MYCBP2: variants seen among roughly 807,000 people sequenced by gnomAD.
The protein encoded by MYCBP2 is MYC binding protein 2.
In MYCBP2, 120 loss-of-function variants were observed where a neutral mutation model predicts 525.3. The observed-to-expected ratio is 0.23, with a 90% CI of 0.20 to 0.27. The LOEUF (loss-of-function observed/expected upper bound fraction) is 0.27, where lower values mean the gene tolerates loss of function less well. Among genes scored for constraint, MYCBP2 ranks in the 10% least tolerant of loss-of-function variants. The probability of loss-of-function intolerance (pLI) is 1.00; values close to 1 mark genes in which losing one functional copy is unlikely to be tolerated. For synonymous variants in MYCBP2, 1,894 were observed against 1,955.8 expected, an observed-to-expected ratio of 0.97 and a Z score of 0.83; for missense variants, 4,149 against 5,657.1, an observed-to-expected ratio of 0.73 and a Z score of 8.55.
intron 4 of MYCBP2, among the ~76,000 whole-genome samples, chr13:77,275,008 C>T (rs940043322): frequency 6.6e-6 from 1 of 152,066 alleles, no homozygotes; most frequent in Non-Finnish European, 1.5e-5. Context: ...ATATTTCCAT[C>T]TACCCATCCT....
chr13:77,224,807 C>G (rs1594089318), intron 19 of MYCBP2, among the ~76,000 whole-genome samples: 1 of 152,016 alleles, frequency 6.6e-6, no homozygotes, highest in South Asian at 2.1e-4. Context: ...CACACTGGTT[C>G]AGGTCAACTG....
At chr13:77,202,578 A>G (rs966828480) in intron 26 of MYCBP2, among the ~76,000 whole-genome samples, 7 of 151,946 alleles carry the variant, frequency 4.6e-5, no homozygotes, top group African/African-American at 1.7e-4. Flanking sequence ...AAAGCCGGGC[A>G]GAGACACAAC....
rs997393103 is a variant in MYCBP2, at chr13:77,326,412, CGCGGCATGGGGCGCAAGGAAGG to C, written c.302+40_302+61del. The C allele has an allele frequency of 7.3e-5, 106 of 1,458,936 alleles. 1 individual carries two copies. The highest frequency in any genetic ancestry group is 5.3e-4 in the East Asian group (20 of 37,628). 90.4% of individuals were successfully genotyped at this position (1,458,936 alleles called of 1,614,324 possible). A position where few individuals can be genotyped will look rare whatever the true frequency, so the allele number is the denominator to read the frequency against. Reference sequence around the variant, plus strand: ...AAGCACACACACACGCGGGTGCACGCGCGGCATGGGGCGCAAGGAAGGGCGGCATGGGGCGCAAGGAAGGGCA... The same window carrying C: ...AAGCACACACACACGCGGGTGCACGCGCGGCATGGGGCGCAAGGAAGGGCA... On this transcript the variant is annotated intron_variant, in intron 1 of 82. Transcript: ENST00000544440. The surrounding 1 kb of genome is among the most constrained non-coding windows in gnomAD (Gnocchi z 4.2).
rs1226443968 is a variant in MYCBP2 at position 77,233,219 on chromosome 13, G to T, written c.2674C>A (p.Gln892Lys). The T allele has an allele frequency of 6.2e-7, 1 of 1,613,884 alleles. No homozygotes were observed. ...TGGGATCTGAGTCTGGCTAGAGCCT[G>T]TTCTCGATGGTTCATAAAAATAGGA... ...AGPIFMNHRE[Q>K]ALARLRSHPA... The change falls in exon 18 of 83, where the codon CAG becomes AAG. Residue 892 changes from glutamine to lysine, a missense_variant. Transcript: ENST00000544440.
At chr13:77,105,784 T>C (rs548202194) in intron 55 of MYCBP2, among the ~76,000 whole-genome samples, 1 of 152,104 alleles carries the variant, frequency 6.6e-6, no homozygotes, top group Non-Finnish European at 1.5e-5. Context: ...AAAAACAATT[T>C]TAAAGAATCA....
chr13:77,157,803 T>A (rs911308125), intron 45 of MYCBP2, 134 bp downstream of exon 45: 4 of 709,684 alleles, frequency 5.6e-6, no homozygotes, highest in Middle Eastern at 3.3e-4. Context: ...TATCATTTTA[T>A]ATTTCAGCAA....
At chr13:77,195,771 T>G (rs1177519661) in intron 26 of MYCBP2, among the ~76,000 whole-genome samples, 1 of 152,156 alleles carries the variant, frequency 6.6e-6, no homozygotes, top group African/African-American at 2.4e-5. Context: ...TTCCACAAAG[T>G]TGAGGATTTT....
At chr13:77,230,060 T>C (rs2066915042) in intron 18 of MYCBP2, among the ~76,000 whole-genome samples, 1 of 152,198 alleles carries the variant, frequency 6.6e-6, no homozygotes. Flanking sequence ...ATTTACTGTA[T>C]TTTATATGGA....
At chr13:77,231,819 A>G (rs1219673103) in intron 18 of MYCBP2, among the ~76,000 whole-genome samples, 1 of 152,238 alleles carries the variant, frequency 6.6e-6, no homozygotes, top group Non-Finnish European at 1.5e-5. Context: ...GACATAGTAG[A>G]AATCATAAAA....
intron 21 of MYCBP2, among the ~76,000 whole-genome samples, chr13:77,216,616 A>G (rs1413215451): frequency 6.6e-6 from 1 of 152,212 alleles, no homozygotes; most frequent in Non-Finnish European, 1.5e-5. Context: ...TGGGTGCACA[A>G]CCTGCATCTA....
At chr13:77,227,811 A>T (rs535920022) in intron 18 of MYCBP2, among the ~76,000 whole-genome samples, 1 of 152,298 alleles carries the variant, frequency 6.6e-6, no homozygotes, top group African/African-American at 2.4e-5. Context: ...GAGACATAGC[A>T]TCAAGGAAGG....
intron 46 of MYCBP2, among the ~76,000 whole-genome samples, chr13:77,152,779 G>A (rs374618095): frequency 6.8e-4 from 103 of 152,146 alleles, no homozygotes; most frequent in South Asian, 4.4e-3. Context: ...GATAAAATCC[G>A]CCGTGGCTGG....
At chr13:77,072,300 G>GAAAAAAAAAAAAAAAAAAAA (rs56238720) in intron 68 of MYCBP2, among the ~76,000 whole-genome samples, 1 of 121,192 alleles carries the variant, frequency 8.3e-6, no homozygotes, top group Non-Finnish European at 1.7e-5. Flanking sequence ...CAAAAAAAAA[G>GAAAAAAAAAAAAAAAAAAAA]AAAAAAAAAA....
intron 25 of MYCBP2, 39 bp from the exon 26 acceptor site, chr13:77,205,422 C>T: frequency 6.2e-7 from 1 of 1,611,750 alleles, no homozygotes; most frequent in Non-Finnish European, 8.5e-7. Flanking sequence ...TTAAAAGATC[C>T]ATATATATTT....
At chr13:77,101,574 G>C (rs763977114) in intron 55 of MYCBP2, among the ~76,000 whole-genome samples, 2 of 151,970 alleles carry the variant, frequency 1.3e-5, no homozygotes, top group Non-Finnish European at 2.9e-5. Flanking sequence ...ATAGGCATTT[G>C]TATATCTTAT....
rs183393422 is a variant in MYCBP2 at position 77,077,019 on chromosome 13, T to A, written c.11724+129A>T. The stretch of plus-strand genomic sequence containing the variant: ...CATGGAACTCAGGTGTTTAGGGCTA[T>A]GAAAAGAAAAAATGGGCAACATTTA... On this transcript the variant is annotated intron_variant, in intron 67 of 82. Coordinates refer to ENST00000544440, the MANE Select transcript of MYCBP2 (RefSeq NM_015057.5). 146 of 1,329,282 alleles carry A rather than the reference T, an allele frequency of 1.1e-4. No individual in the cohort carries two copies. The African/African-American group carries it at 2.1e-3, about 19-fold the overall frequency. The allele number at this position is 1,329,282 out of a possible 1,614,324, so 82.3% of individuals were successfully genotyped here.
chr13:77,161,766 T>A (rs2057955489), intron 44 of MYCBP2, 140 bp downstream of exon 44: 1 of 608,720 alleles, frequency 1.6e-6, no homozygotes, highest in Non-Finnish European at 2.8e-6. Context: ...AATGATAAGT[T>A]ATTTATCTCT....
At chr13:77,322,761 G>A (rs2081829219) in intron 1 of MYCBP2, among the ~76,000 whole-genome samples, 1 of 152,210 alleles carries the variant, frequency 6.6e-6, no homozygotes, top group African/African-American at 2.4e-5. Context: ...TAGCCACTGT[G>A]CTATGGTGCC....
At chr13:77,243,205 A>T (rs764770996) in intron 16 of MYCBP2, 45 bp from the exon 17 acceptor site, 126 of 1,361,376 alleles carry the variant, frequency 9.3e-5, no homozygotes, top group Middle Eastern at 1.8e-4. Flanking sequence ...CATATATGTT[A>T]TATAATAGCT....
Sources: allele counts gnomAD v4.1 joint callset (sites outside exome capture counted in the v4.1 genomes callset), GRCh38; gene constraint gnomAD v4.1.1; non-coding constraint Gnocchi (gnomAD v3.1); transcripts MANE v1.5; gene names NCBI Gene and HGNC (gene_info 2026-07-23, HGNC 2026-07-21).